Variants in KCNC1 observed in about 807,000 individuals in gnomAD.
KCNC1 encodes the protein potassium voltage-gated channel subfamily C member 1.
KCNC1 carries 8 observed loss-of-function variants against 43.4 expected under a neutral mutation model. That is an observed-to-expected ratio of 0.18 (90% CI 0.11 to 0.33). The LOEUF is 0.33. KCNC1 is among the 10% of genes least tolerant of loss of function. KCNC1 has a pLI of 1.00. For synonymous variants in KCNC1, 361 were observed against 360.5 expected (o/e 1.00, Z -0.01); for missense variants, 420 against 836.0 (o/e 0.50, Z 6.14).
chr11:17,746,631 C>T (rs1191285069), intron 1 of KCNC1, among the ~76,000 whole-genome samples: 1 of 152,176 alleles, frequency 6.6e-6, no homozygotes, highest in Admixed American at 6.5e-5. Context: ...AAATGGACTT[C>T]TCTCCTCCAA....
rs1421368313 is a variant in KCNC1 at position 17,736,416 on chromosome 11, C to A, written c.414C>A (p.Gly138=). 6.2e-7 allele frequency: 1 copy of A among 1,608,834 alleles called. No homozygotes were observed. Residue 138 remains glycine, a synonymous_variant, in exon 1 of 4, where the codon GGC becomes GGA. Transcript: ENST00000265969. This position sits in a 1 kb window ranked among gnomAD's most constrained non-coding sequence, Gnocchi z 9.3. ...GCGCCGACGACGCGGACGCCGACGG[C>A]CCTGGCGACTCGGGCGACGGCGAGG... The part of the protein sequence containing the change: ...DNSADDADAD[G]PGDSGDGEDE...
rs1490300712 is a variant in KCNC1, at chr11:17,771,214, C to T, written c.571-451C>T. On this transcript the variant is annotated intron_variant, in intron 1 of 3. Transcript: ENST00000265969. This position sits in a 1 kb window ranked among gnomAD's most constrained non-coding sequence, Gnocchi z 4.7. ...CTTCATTCCACTCTAGCTGCCCCCT[C>T]TTATTTCTTTGCAAACTTCAGCCCC... Among the ~76,000 whole-genome samples, 1 of 149,854 alleles carries T rather than the reference C, an allele frequency of 6.7e-6. No homozygotes were observed. The highest frequency in any genetic ancestry group is 1.5e-5 in the Non-Finnish European group (1 of 67,542).
chr11:17,749,453 G>A (rs1176961781), intron 1 of KCNC1, among the ~76,000 whole-genome samples: 1 of 152,220 alleles, frequency 6.6e-6, no homozygotes, highest in Non-Finnish European at 1.5e-5. Flanking sequence ...GTGGCTCCCT[G>A]GGGACCTTCT....
rs747207268 is a variant in KCNC1, at chr11:17,771,748, C to A, written c.654C>A (p.Ile218=). Reference sequence around the variant, plus strand: ...AGACCCACGAGCGCTTCAACCCCATCGTGAACAAGACGGAGATCGAGAACG... The same window carrying A: ...AGACCCACGAGCGCTTCAACCCCATAGTGAACAAGACGGAGATCGAGAACG... ...CLETHERFNP[I]VNKTEIENVR... Residue 218 remains isoleucine (I), a synonymous_variant, in exon 2 of 4, where the codon ATC becomes ATA. Transcript: ENST00000265969. The surrounding 1 kb of genome is among the most constrained non-coding windows in gnomAD (Gnocchi z 4.7). The A allele has an allele frequency of 1.2e-6, 2 of 1,614,234 alleles. No homozygotes were observed. Among genetic ancestry groups the A allele is most frequent in the Admixed American group, 3.3e-5 (2 of 60,034 alleles).
At chr11:17,756,243 G>T (rs1480730182) in intron 1 of KCNC1, among the ~76,000 whole-genome samples, 1 of 152,060 alleles carries the variant, frequency 6.6e-6, no homozygotes, top group Non-Finnish European at 1.5e-5. Context: ...GTTGTTAAAG[G>T]CTTACCAAAT....
At chr11:17,755,424 A>G (rs1471641671) in intron 1 of KCNC1, among the ~76,000 whole-genome samples, 1 of 152,072 alleles carries the variant, frequency 6.6e-6, no homozygotes. Context: ...GAATGTTGGA[A>G]CCTGGGAGAC....
At chr11:17,775,281 T>TGCCACCCCCC in intron 2 of KCNC1, 1 of 935,840 alleles carries the variant, frequency 1.1e-6, no homozygotes, top group Non-Finnish European at 1.3e-6. Context: ...TCTGAGGGCA[T>TGCCACCCCCC]CCCTCCCGCC....
At chr11:17,767,279 C>T (rs1262609101) in intron 1 of KCNC1, among the ~76,000 whole-genome samples, 10 of 137,342 alleles carry the variant, frequency 7.3e-5, no homozygotes, top group East Asian at 2.0e-4. Context: ...AGCAAGACTC[C>T]GTCTCAAAAA....
intron 1 of KCNC1, among the ~76,000 whole-genome samples, chr11:17,746,279 A>T (rs1423624915): frequency 6.6e-6 from 1 of 152,212 alleles, no homozygotes; most frequent in African/African-American, 2.4e-5. Flanking sequence ...GTCACCACCC[A>T]GGCCCAGATG....
chr11:17,775,445 G>C (rs12421233), intron 2 of KCNC1: 1 of 985,618 alleles, frequency 1.0e-6, no homozygotes, highest in Non-Finnish European at 1.2e-6. Flanking sequence ...CTGAGGGCTT[G>C]TCCTGGGAGG....
intron 1 of KCNC1, among the ~76,000 whole-genome samples, chr11:17,737,866 G>T (rs1373834487): frequency 6.6e-6 from 1 of 152,222 alleles, no homozygotes; most frequent in South Asian, 2.1e-4. Flanking sequence ...GAGGGCTAGG[G>T]AGGGGTAGGA....
At chr11:17,754,404 A>G (rs1849001530) in intron 1 of KCNC1, among the ~76,000 whole-genome samples, 1 of 152,234 alleles carries the variant, frequency 6.6e-6, no homozygotes, top group Non-Finnish European at 1.5e-5. Flanking sequence ...TCTGAAATCA[A>G]CGATTGTGTA....
chr11:17,767,503 C>G (rs1306908049), intron 1 of KCNC1, among the ~76,000 whole-genome samples: 5 of 152,150 alleles, frequency 3.3e-5, no homozygotes, highest in African/African-American at 7.2e-5. Flanking sequence ...GAGCTCTTTC[C>G]TTTCTCCAGC....
chr11:17,767,200 G>A (rs1184228592), intron 1 of KCNC1, among the ~76,000 whole-genome samples: 1 of 151,000 alleles, frequency 6.6e-6, no homozygotes, highest in Non-Finnish European at 1.5e-5. Flanking sequence ...GGAGGCTGAG[G>A]TGGGAACCCG....
chr11:17,758,055 C>T (rs1209791958), intron 1 of KCNC1, among the ~76,000 whole-genome samples: 3 of 152,232 alleles, frequency 2.0e-5, no homozygotes, highest in Admixed American at 6.5e-5. Flanking sequence ...AGTAGAACTT[C>T]TTTCAAAACT....
Position 17,746,851 on chromosome 11 carries a change from G to A in KCNC1, c.570+10279G>A, listed in dbSNP as rs567214668. 8.9e-4 allele frequency among the ~76,000 whole-genome samples: 135 copies of A among 152,218 alleles called. 1 individual carries two copies. Among genetic ancestry groups the A allele is most frequent in the South Asian group, 4.2e-4 (2 of 4,810 alleles). ...ATCCCAGCCCCACTACCTTCCAGCT[G>A]TGTGACCTTGGATAAGTCTCCTAAC... On this transcript the variant is annotated intron_variant, in intron 1 of 3. Transcript: ENST00000265969.
intron 1 of KCNC1, among the ~76,000 whole-genome samples, chr11:17,765,222 C>T (rs147659679): frequency 9.8e-5 from 15 of 152,342 alleles, no homozygotes; most frequent in African/African-American, 3.1e-4. Context: ...CCCTGCACCA[C>T]GTTACAGTCA....
At chr11:17,757,954 A>G (rs984779870) in intron 1 of KCNC1, among the ~76,000 whole-genome samples, 4 of 152,196 alleles carry the variant, frequency 2.6e-5, no homozygotes, top group Non-Finnish European at 4.4e-5. Context: ...GTAAAGTAAG[A>G]CAACAAAGAA....
rs578025939 is a variant in KCNC1 at position 17,779,613 on chromosome 11, C to T, written c.1662C>T (p.Tyr554=). 7.1e-6 allele frequency: 11 copies of T among 1,549,776 alleles called. No individual in the cohort carries two copies. The highest frequency in any genetic ancestry group is 3.6e-5 in the South Asian group (3 of 83,854). ...GCTTCCTCTTATCAACCGGGGAGTA[C>T]GCGTGCCCACCTGGTGGAGGAATGA... ...GPCFLLSTGE[Y]ACPPGGGMRK... Residue 554 remains tyrosine, a synonymous_variant, in exon 3 of 4, where the codon TAC becomes TAT. Coordinates refer to ENST00000265969, the MANE Select transcript of KCNC1 (RefSeq NM_001112741.2). This position sits in a 1 kb window ranked among gnomAD's most constrained non-coding sequence, Gnocchi z 7.2.
Sources: gnomAD v4.1 joint callset for allele counts (sites outside exome capture counted in the v4.1 genomes callset) on GRCh38, gnomAD v4.1.1 for gene constraint, Gnocchi (gnomAD v3.1) non-coding constraint, MANE v1.5 for transcripts, NCBI Gene and HGNC (gene_info 2026-07-23, HGNC 2026-07-21) for gene names.